The following PRR5 variants were observed in gnomAD, a reference collection of about 807,000 sequenced individuals.
PRR5 encodes the protein proline-rich protein 5.
In PRR5, 25 loss-of-function variants were observed where a neutral mutation model predicts 30.6. The ratio of observed to expected loss-of-function variants is 0.82; its 90% CI spans 0.60 to 1.14. The LOEUF is 1.14. Among genes scored for constraint, PRR5 ranks in the 50% most tolerant of loss-of-function variants. The pLI is 0.00. For synonymous variants in PRR5, 286 were observed against 247.1 expected, an observed-to-expected ratio of 1.16 and a Z score of -1.48; for missense variants, 600 against 547.1, an observed-to-expected ratio of 1.10 and a Z score of -0.96.
chr22:44,675,864 T>A (rs1281721892), upstream of PRR5, among the ~76,000 whole-genome samples: 2 of 151,768 alleles, frequency 1.3e-5, no homozygotes, highest in East Asian at 3.9e-4. Context: ...TCTGCAGTCC[T>A]GTGCCCCACT....
intron 1 of PRR5, among the ~76,000 whole-genome samples, chr22:44,707,961 A>G (rs1005145669): frequency 3.9e-5 from 6 of 152,130 alleles, no homozygotes; most frequent in Admixed American, 2.6e-4. Flanking sequence ...AGCCTCGTGC[A>G]GGGCCGGCGA....
intron 1 of PRR5, among the ~76,000 whole-genome samples, chr22:44,671,666 C>G (rs751359037): frequency 1.3e-5 from 2 of 152,138 alleles, no homozygotes; most frequent in South Asian, 4.1e-4. Flanking sequence ...CTTCAGTTCT[C>G]TCATTGCAAG....
At chr22:44,677,702 G>C (rs1923888323) in intron 1 of PRR5, among the ~76,000 whole-genome samples, 1 of 152,200 alleles carries the variant, frequency 6.6e-6, no homozygotes, top group African/African-American at 2.4e-5. Flanking sequence ...CCACGGTGAG[G>C]GGAGTCAGAG....
chr22:44,699,113 T>A (rs1601980249), upstream of PRR5, among the ~76,000 whole-genome samples: 1 of 152,224 alleles, frequency 6.6e-6, no homozygotes, highest in East Asian at 1.9e-4. Context: ...ATGCCTTTTT[T>A]AAAGATCTCT....
In PRR5 at chr22:44,732,169, C is replaced by T. The variant is rs920477140; in HGVS notation, c.415-82C>T. On this transcript the variant is annotated intron_variant, in intron 5 of 7. Coordinates refer to ENST00000336985, the MANE Select transcript of PRR5 (RefSeq NM_181333.4). ...CTGAGGGTCGGCAGGTCTCTTCCCCCTGTGGGGTCCCAGGACCGGGAGAGG... is the reference window on the plus strand; with the variant it reads ...CTGAGGGTCGGCAGGTCTCTTCCCCTTGTGGGGTCCCAGGACCGGGAGAGG... 7.0e-6 allele frequency: 11 copies of T among 1,571,588 alleles called. No individual in the cohort carries two copies. In the East Asian group the frequency reaches 1.8e-4, roughly 26 times the overall value.
chr22:44,671,137 CCCACAGGCTCA>C (rs745897738), intron 1 of PRR5, among the ~76,000 whole-genome samples: 3 of 152,190 alleles, frequency 2.0e-5, no homozygotes, highest in South Asian at 2.1e-4. Flanking sequence ...GTGTGGGTCA[CCCACAGGCTCA>C]AACAGCAGGG....
chr22:44,719,406 C>G (rs1741994133), intron 2 of PRR5, among the ~76,000 whole-genome samples: 1 of 152,198 alleles, frequency 6.6e-6, no homozygotes, highest in Non-Finnish European at 1.5e-5. Context: ...ACAAATAAGT[C>G]ACTCTCTGTC....
At chr22:44,713,772 T>C (rs961914428) in intron 1 of PRR5, among the ~76,000 whole-genome samples, 1 of 152,214 alleles carries the variant, frequency 6.6e-6, no homozygotes, top group African/African-American at 2.4e-5. Context: ...CAGAAAACGT[T>C]TGCCAGCTCC....
At chr22:44,679,671 A>C (rs1379729256) in intron 1 of PRR5, 1 of 839,794 alleles carries the variant, frequency 1.2e-6, no homozygotes, top group East Asian at 2.8e-5. Flanking sequence ...GCCCCATTGC[A>C]CTCCAGCCTG....
intron 1 of PRR5, among the ~76,000 whole-genome samples, chr22:44,710,285 ACCC>A (rs112076650): frequency 6.8e-6 from 1 of 147,066 alleles, no homozygotes; most frequent in Non-Finnish European, 1.5e-5. Context: ...CCTCACCTGC[ACCC>A]CCCCCCCAGC....
chr22:44,682,574 C>T (rs5765900), intron 1 of PRR5, among the ~76,000 whole-genome samples: 53,542 of 152,026 alleles, frequency 0.35, 12,711 homozygotes, highest in African/African-American at 0.67. Flanking sequence ...ACATGGAGGC[C>T]GGCACGGGGT....
Position 44,677,196 on chromosome 22 carries a change from C to T in PRR5, c.-55C>T, listed in dbSNP as rs916625610. On this transcript the variant is annotated 5_prime_UTR_variant, in exon 1 of 9. Coordinates refer to the PRR5 transcript ENST00000006251. ...TGGGCTGGGATTCCACCTGTGCCCACCCTGGCAGCATCCCACCTCCTGAGT... is the reference window on the plus strand; with the variant it reads ...TGGGCTGGGATTCCACCTGTGCCCATCCTGGCAGCATCCCACCTCCTGAGT... 2.0e-5 allele frequency: 3 copies of T among 152,416 alleles called. No individual in the cohort carries two copies. The East Asian group carries it at 5.8e-4, about 29-fold the overall frequency. The allele number at this position is 152,416 out of a possible 1,614,324, so 9.4% of individuals were successfully genotyped here.
At chr22:44,683,877 CT>C (rs1924505903) in intron 1 of PRR5, among the ~76,000 whole-genome samples, 1 of 152,272 alleles carries the variant, frequency 6.6e-6, no homozygotes, top group African/African-American at 2.4e-5. Context: ...GTGTCCACCC[CT>C]GTCATCCTTG....
intron 1 of PRR5, among the ~76,000 whole-genome samples, chr22:44,693,901 T>C (rs1470019883): frequency 3.3e-5 from 5 of 150,774 alleles, no homozygotes; most frequent in African/African-American, 1.2e-4. Flanking sequence ...AGTGCTGAGA[T>C]TACAGGCATG....
intron 1 of PRR5, among the ~76,000 whole-genome samples, chr22:44,709,651 A>C (rs1262507713): frequency 4.6e-5 from 7 of 152,208 alleles, no homozygotes; most frequent in African/African-American, 1.4e-4. Context: ...CAGGAGTTCG[A>C]GATCAGCCTG....
At chr22:44,675,690 A>C (rs1028478519), upstream of PRR5, among the ~76,000 whole-genome samples, 1 of 152,074 alleles carries the variant, frequency 6.6e-6, no homozygotes, top group African/African-American at 2.4e-5. Flanking sequence ...GGAGTAAACG[A>C]GGAGATGGGA....
chr22:44,697,048 A>G (rs1184948091), intron 1 of PRR5, among the ~76,000 whole-genome samples: 1 of 152,154 alleles, frequency 6.6e-6, no homozygotes, highest in African/African-American at 2.4e-5. Flanking sequence ...GGACATGAAC[A>G]TATCAGATGG....
chr22:44,671,055 TA>T (rs1468910600), intron 1 of PRR5, among the ~76,000 whole-genome samples: 1 of 152,044 alleles, frequency 6.6e-6, no homozygotes, highest in Non-Finnish European at 1.5e-5. Context: ...CCCCTCAAGA[TA>T]GAAAAACCCA....
At chr22:44,726,948 G>A (rs1266729514) in intron 4 of PRR5, among the ~76,000 whole-genome samples, 1 of 152,210 alleles carries the variant, frequency 6.6e-6, no homozygotes, top group Non-Finnish European at 1.5e-5. Flanking sequence ...CAGCCTGGGA[G>A]AGCCCCTGTC....
Sources: gnomAD v4.1 joint callset for allele counts (sites outside exome capture counted in the v4.1 genomes callset) on GRCh38, gnomAD v4.1.1 for gene constraint, MANE v1.5 for transcripts, NCBI Gene and HGNC (gene_info 2026-07-23, HGNC 2026-07-21) for gene names.